The following CAMSAP2 variants were observed in gnomAD, a reference collection of about 807,000 sequenced individuals.
The protein encoded by CAMSAP2 is calmodulin-regulated spectrin-associated protein 2.
In CAMSAP2, 26 loss-of-function variants were observed where a neutral mutation model predicts 146.1. The ratio of observed to expected loss-of-function variants is 0.18; its 90% confidence interval spans 0.13 to 0.25. The LOEUF (loss-of-function observed/expected upper bound fraction) is 0.25, where lower values mean the gene tolerates loss of function less well. CAMSAP2 is among the 10% of genes least tolerant of loss of function. The pLI is 1.00. For synonymous variants in CAMSAP2, 499 were observed against 596.6 expected, an observed-to-expected ratio of 0.84 and a Z score of 2.38; for missense variants, 1,381 against 1,759.3, an observed-to-expected ratio of 0.78 and a Z score of 3.85.
intron 2 of CAMSAP2, among the ~76,000 whole-genome samples, chr1:200,770,475 G>A (rs1191052065): frequency 3.3e-5 from 5 of 150,334 alleles, no homozygotes; most frequent in African/African-American, 7.4e-5. Context: ...GTGCAGTGGC[G>A]CCATCTTGGC....
intron 2 of CAMSAP2, among the ~76,000 whole-genome samples, chr1:200,785,000 T>C (rs1358036643): frequency 6.6e-6 from 1 of 152,244 alleles, no homozygotes; most frequent in African/African-American, 2.4e-5. Context: ...ATGCTTTTTC[T>C]GCCTCTATTA....
At position 200,744,980 on chromosome 1, in the gene CAMSAP2, TA is replaced by T. The variant is rs758766397; in HGVS notation, c.139+5024del. ...TTAAATTATCCTAAGCACATTGGAT[TA>T]AAAAAAAAAGAAAAAATACTATTAA... On this transcript the variant is annotated intron_variant, in intron 1 of 16. Transcript: ENST00000358823. Among the ~76,000 whole-genome samples, 571 of 148,436 alleles carry T rather than the reference TA, an allele frequency of 3.8e-3. 6 individuals are homozygous for T. The highest frequency in any genetic ancestry group is 7.0e-3 in the Non-Finnish European group (468 of 66,784).
At chr1:200,752,495 C>T (rs750318326) in intron 1 of CAMSAP2, among the ~76,000 whole-genome samples, 5 of 152,100 alleles carry the variant, frequency 3.3e-5, no homozygotes, top group African/African-American at 4.8e-5. Flanking sequence ...GGAAATTTAA[C>T]CTTGACGTGA....
At chr1:200,764,133 T>G (rs578051567) in intron 2 of CAMSAP2, among the ~76,000 whole-genome samples, 9 of 150,680 alleles carry the variant, frequency 6.0e-5, no homozygotes, top group South Asian at 4.2e-4. Context: ...AAATTAACAG[T>G]TTTTTTTTCC....
At chr1:200,780,924 T>C (rs1175511753) in intron 2 of CAMSAP2, among the ~76,000 whole-genome samples, 1 of 152,196 alleles carries the variant, frequency 6.6e-6, no homozygotes. Flanking sequence ...TAGAGGTAAA[T>C]TGGGGAACAG....
At chr1:200,798,980 G>A (rs964240104) in intron 2 of CAMSAP2, among the ~76,000 whole-genome samples, 3 of 151,996 alleles carry the variant, frequency 2.0e-5, no homozygotes, top group African/African-American at 7.3e-5. Context: ...TTATTGATTT[G>A]CGTATATTGA....
chr1:200,819,372 A>AT (rs1186112897), intron 4 of CAMSAP2, among the ~76,000 whole-genome samples: 1 of 152,130 alleles, frequency 6.6e-6, no homozygotes, highest in Admixed American at 6.6e-5. Flanking sequence ...ACAACAAATA[A>AT]TTTTTTTATA....
At chr1:200,836,718 A>G (rs1314883094) in intron 6 of CAMSAP2, among the ~76,000 whole-genome samples, 1 of 152,112 alleles carries the variant, frequency 6.6e-6, no homozygotes, top group Non-Finnish European at 1.5e-5. Context: ...ACAGTGTGTA[A>G]ATGTTCCTTT....
rs555503037 is a variant in CAMSAP2 at position 200,776,969 on chromosome 1, T to C, written c.399+15871T>C. The stretch of plus-strand genomic sequence containing the variant: ...CAGGTGCTTGCCTCAAGGCCCCTTA[T>C]GTGGAAAATCTTCAAAGGAGAGAGA... On this transcript the variant is annotated intron_variant, in intron 2 of 16. Transcript: ENST00000358823. Among the ~76,000 whole-genome samples, 4 of 152,252 alleles carry C rather than the reference T, an allele frequency of 2.6e-5. No homozygotes were observed. The East Asian group carries it at 7.7e-4, about 29-fold the overall frequency.
At chr1:200,815,308 C>T (rs1463861285) in intron 3 of CAMSAP2, among the ~76,000 whole-genome samples, 3 of 152,106 alleles carry the variant, frequency 2.0e-5, no homozygotes, top group Non-Finnish European at 4.4e-5. Flanking sequence ...CCTTAGCGCT[C>T]CAACCAGTTC....
intron 2 of CAMSAP2, among the ~76,000 whole-genome samples, chr1:200,764,512 A>G (rs1664887023): frequency 6.6e-6 from 1 of 152,254 alleles, no homozygotes; most frequent in South Asian, 2.1e-4. Flanking sequence ...TTTCTGCACT[A>G]TTAACATTTT....
At chr1:200,776,964 C>G (rs1164435439) in intron 2 of CAMSAP2, among the ~76,000 whole-genome samples, 1 of 151,926 alleles carries the variant, frequency 6.6e-6, no homozygotes, top group African/African-American at 2.4e-5. Context: ...CCTCAAGGCC[C>G]CTTATGTGGA....
chr1:200,749,999 A>C (rs998671691), intron 1 of CAMSAP2, among the ~76,000 whole-genome samples: 3 of 152,160 alleles, frequency 2.0e-5, no homozygotes, highest in African/African-American at 7.2e-5. Flanking sequence ...GAAGGATTTT[A>C]ATCCTTAGAG....
intron 8 of CAMSAP2, among the ~76,000 whole-genome samples, chr1:200,846,103 A>G (rs1343404005): frequency 6.6e-6 from 1 of 152,230 alleles, no homozygotes; most frequent in African/African-American, 2.4e-5. Flanking sequence ...CATTAAAAAT[A>G]CATTTCAAAA....
intron 7 of CAMSAP2, among the ~76,000 whole-genome samples, chr1:200,842,341 A>G (rs1202621332): frequency 6.6e-6 from 1 of 152,154 alleles, no homozygotes; most frequent in Non-Finnish European, 1.5e-5. Context: ...TTTTCTTTGC[A>G]TCTTTTATCG....
At chr1:200,787,015 A>AG (rs1665612719) in intron 2 of CAMSAP2, among the ~76,000 whole-genome samples, 1 of 151,460 alleles carries the variant, frequency 6.6e-6, no homozygotes, top group African/African-American at 2.4e-5. Context: ...AGACCTGCTC[A>AG]GAAAAAAAAA....
chr1:200,842,464 A>G (rs1667348513), intron 7 of CAMSAP2, among the ~76,000 whole-genome samples: 1 of 152,214 alleles, frequency 6.6e-6, no homozygotes, highest in Non-Finnish European at 1.5e-5. Context: ...CCATTAAACT[A>G]TAAAAAGGTT....
chr1:200,747,765 C>T (rs1374228159), intron 1 of CAMSAP2, among the ~76,000 whole-genome samples: 1 of 152,122 alleles, frequency 6.6e-6, no homozygotes, highest in Admixed American at 6.5e-5. Flanking sequence ...AATCCCAGCA[C>T]TCTGGGAGGC....
chr1:200,816,860 G>A (rs540742421), intron 4 of CAMSAP2, among the ~76,000 whole-genome samples: 1 of 55,870 alleles, frequency 1.8e-5, no homozygotes, highest in Non-Finnish European at 3.1e-5. Context: ...ACACACGCGT[G>A]TGTATGTGTG....
Sources: gnomAD v4.1 joint callset for allele counts (sites outside exome capture counted in the v4.1 genomes callset) on GRCh38, gnomAD v4.1.1 for gene constraint, MANE v1.5 for transcripts, NCBI Gene and HGNC (gene_info 2026-07-23, HGNC 2026-07-21) for gene names.